The following ACAD9 variants were observed in gnomAD, a reference collection of about 807,000 sequenced individuals.
The protein encoded by ACAD9 is acyl-CoA dehydrogenase family member 9.
Under a neutral mutation model 70.2 loss-of-function variants are expected in ACAD9, and 53 were observed. That is an observed-to-expected ratio of 0.75 (90% confidence interval 0.61 to 0.95). ACAD9 has a LOEUF of 0.95. Among genes scored for constraint, ACAD9 ranks in the 40% least tolerant of loss-of-function variants. ACAD9 has a pLI of 0.00. For missense variants in ACAD9, 777 were observed against 802.8 expected, an observed-to-expected ratio of 0.97 and a Z score of 0.39; for synonymous variants, 313 against 312.1, an observed-to-expected ratio of 1.00 and a Z score of -0.03.
chr3:128,909,636 G>C lies in ACAD9; in HGVS notation c.1563+215G>C. 3 of 568,666 alleles carry C rather than the reference G, an allele frequency of 5.3e-6. No individual in the cohort carries two copies. In the South Asian group the frequency reaches 5.8e-5, roughly 11 times the overall value. 35.2% of individuals were successfully genotyped at this position (568,666 alleles called of 1,614,324 possible). On this transcript the variant is annotated intron_variant, in intron 15 of 17. Transcript: ENST00000308982. ...ACCCTTGCTGGGTGAGTTTTCTGCA[G>C]TGTTTTTCTGTGCACCTTTCAGGTA...
rs1048137024 is a variant in ACAD9, at chr3:128,912,786, G to C, written c.*179G>C. ...GCCTCTTCCAGGTTTTGACCTGCAGGCAGTGCTCTCTAACAGGACCATCAC... is the reference window on the plus strand; with the variant it reads ...GCCTCTTCCAGGTTTTGACCTGCAGCCAGTGCTCTCTAACAGGACCATCAC... On this transcript the variant is annotated 3_prime_UTR_variant, in exon 18 of 18. Coordinates refer to ENST00000308982, the MANE Select transcript of ACAD9 (RefSeq NM_014049.5). 1.3e-6 allele frequency: 1 copy of C among 742,320 alleles called. No individual in the cohort carries two copies. Among genetic ancestry groups the C allele is most frequent in the Middle Eastern group, 2.3e-4 (1 of 4,326 alleles). 46.0% of individuals were successfully genotyped at this position (742,320 alleles called of 1,614,324 possible).
chr3:128,908,753 G>A, intron 13 of ACAD9: 1 of 645,222 alleles, frequency 1.5e-6, no homozygotes. Flanking sequence ...AGCTGGCTGT[G>A]ACTCCACCCC....
chr3:128,888,503 C>T (rs1197480425), intron 2 of ACAD9, among the ~76,000 whole-genome samples: 5 of 152,140 alleles, frequency 3.3e-5, no homozygotes, highest in East Asian at 1.9e-4. Context: ...CACTGGAACC[C>T]GGGAGGTGGA....
At chr3:128,881,985 T>G (rs1224068017) in intron 1 of ACAD9, among the ~76,000 whole-genome samples, 1 of 152,190 alleles carries the variant, frequency 6.6e-6, no homozygotes. Flanking sequence ...AGTTTCTTTC[T>G]TCAGTTCAGA....
chr3:128,884,852 A>G (rs1935202044), intron 2 of ACAD9, 106 bp downstream of exon 2: 2 of 923,148 alleles, frequency 2.2e-6, no homozygotes, highest in South Asian at 2.7e-5. Context: ...TGAGGGAGAA[A>G]TGGTTTCCAC....
chr3:128,884,631 A>G (rs1935193209), intron 1 of ACAD9, 22 bp from the exon 2 acceptor site: 9 of 1,558,216 alleles, frequency 5.8e-6, no homozygotes, highest in Non-Finnish European at 7.9e-6. Flanking sequence ...TAAATTTTTT[A>G]GAAAATATTT....
In ACAD9 at chr3:128,910,080, T is replaced by A; in HGVS notation, c.1623T>A (p.Tyr541Ter). 1 of 1,614,068 alleles carries A rather than the reference T, an allele frequency of 6.2e-7. No individual in the cohort carries two copies. The change falls in exon 16 of 18, where the codon TAT becomes TAA. Residue 541 changes from tyrosine (Y) to a stop codon, truncating the protein, a stop_gained. Coordinates refer to ENST00000308982, the MANE Select transcript of ACAD9 (RefSeq NM_014049.5). LOFTEE classifies it high-confidence loss of function. ...TGGCCAACATCCTCATCAACCTGTA[T>A]GGCATGACGGCCGTGCTGTCGCGGG... ...KRVANILINL[Y>*]GMTAVLSRAS...
chr3:128,903,860 G>A (rs1213582577), intron 9 of ACAD9, among the ~76,000 whole-genome samples: 1 of 152,226 alleles, frequency 6.6e-6, no homozygotes, highest in African/African-American at 2.4e-5. Context: ...AACTCTGTGT[G>A]TGGGTGCCAT....
chr3:128,908,963 C>CT lies in ACAD9; in HGVS notation c.1359-7dup, dbSNP rs1290512895. ...AGGCCTCCAGTCACAGGACCATGGACTTTCTGCAGTGAGCTTAAACAGGCC... is the reference window on the plus strand; with the variant it reads ...AGGCCTCCAGTCACAGGACCATGGACTTTTCTGCAGTGAGCTTAAACAGGCC... On this transcript the variant is annotated splice_polypyrimidine_tract_variant and intron_variant, in intron 13 of 17. Coordinates refer to ENST00000308982, the MANE Select transcript of ACAD9 (RefSeq NM_014049.5). 6.2e-7 allele frequency: 1 copy of CT among 1,614,094 alleles called. No homozygotes were observed. The highest frequency in any genetic ancestry group is 2.2e-5 in the East Asian group (1 of 44,884).
At chr3:128,882,003 C>G (rs539025004) in intron 1 of ACAD9, among the ~76,000 whole-genome samples, 1 of 152,270 alleles carries the variant, frequency 6.6e-6, no homozygotes, top group East Asian at 1.9e-4. Context: ...AGATTTCTCC[C>G]TGAACTCCAG....
chr3:128,892,886 A>G (rs755788316), intron 2 of ACAD9, among the ~76,000 whole-genome samples: 4 of 152,182 alleles, frequency 2.6e-5, no homozygotes, highest in African/African-American at 4.8e-5. Flanking sequence ...CAAAAAAAGT[A>G]TGAGGTCTAT....
chr3:128,912,834 G>A lies in ACAD9; in HGVS notation c.*227G>A. Reference sequence around the variant, plus strand: ...CACAGCTTCTGAACTGAGCCGGAGAGAGAGAATGGAATTGCTGACCCCTGG... The same window carrying A: ...CACAGCTTCTGAACTGAGCCGGAGAAAGAGAATGGAATTGCTGACCCCTGG... On this transcript the variant is annotated 3_prime_UTR_variant, in exon 18 of 18. Coordinates refer to ENST00000308982, the MANE Select transcript of ACAD9 (RefSeq NM_014049.5). 1 of 690,990 alleles carries A rather than the reference G, an allele frequency of 1.4e-6. No homozygotes were observed. Among genetic ancestry groups the A allele is most frequent in the African/African-American group, 1.7e-5 (1 of 57,418 alleles). The allele number at this position is 690,990 out of a possible 1,614,324, so 42.8% of individuals were successfully genotyped here. A position where few individuals can be genotyped will look rare whatever the true frequency, so the allele number is the denominator to read the frequency against.
At chr3:128,881,939 C>A (rs1480510954) in intron 1 of ACAD9, among the ~76,000 whole-genome samples, 1 of 152,150 alleles carries the variant, frequency 6.6e-6, no homozygotes, top group Admixed American at 6.5e-5. Context: ...TATTTAGTGT[C>A]CTGGCTTTAA....
At chr3:128,898,132 C>T (rs1431929793) in intron 6 of ACAD9, among the ~76,000 whole-genome samples, 1 of 152,142 alleles carries the variant, frequency 6.6e-6, no homozygotes, top group Non-Finnish European at 1.5e-5. Context: ...GCTGAGTTTA[C>T]AGGCAATGAG....
At chr3:128,899,236 T>G (rs1576340541) in intron 6 of ACAD9, 51 bp from the exon 7 acceptor site, 2 of 1,589,924 alleles carry the variant, frequency 1.3e-6, no homozygotes, top group Non-Finnish European at 1.7e-6. Context: ...AGAGCTGAGG[T>G]GGGTCACATA....
intron 1 of ACAD9, chr3:128,880,124 G>A (rs568972306): frequency 2.1e-4 from 228 of 1,066,200 alleles, no homozygotes; most frequent in Admixed American, 2.5e-4. Flanking sequence ...AATTAACAAA[G>A]CAGCCTTCAT....
rs371474112 is a variant in ACAD9, at chr3:128,905,511, G to C, written c.1150-610G>C. Among the ~76,000 whole-genome samples the C allele has an allele frequency of 7.0e-4, 106 of 152,312 alleles. 1 individual carries two copies. In the South Asian group the frequency reaches 0.022, roughly 31 times the overall value. On this transcript the variant is annotated intron_variant, in intron 11 of 17. Transcript: ENST00000308982. ...CAAACATCCTGGTGTCGGCAGGAGA[G>C]TCTACCTAAAAGGTTGGGATCCTGA...
At chr3:128,906,343 C>T (rs1284121265) in intron 12 of ACAD9, 94 bp downstream of exon 12, 2 of 1,580,142 alleles carry the variant, frequency 1.3e-6, no homozygotes, top group South Asian at 1.1e-5. Flanking sequence ...CCCCCGCAGC[C>T]CAGGGCTGGG....
Position 128,893,630 on chromosome 3 carries a change from T to G in ACAD9, c.320T>G (p.Phe107Cys), listed in dbSNP as rs1271492991. ...TLEKLKSLGL[F>C]GLQVPEEYGG... is the part of the protein sequence containing the mutation. Reference sequence around the variant, plus strand: ...GAGAAATTGAAGAGCCTAGGGCTTTTTGGGCTGCAAGTCCCAGAAGAATAT... The same window carrying G: ...GAGAAATTGAAGAGCCTAGGGCTTTGTGGGCTGCAAGTCCCAGAAGAATAT... The change falls in exon 3 of 18, where the codon TTT (phenylalanine) becomes TGT (cysteine). Residue 107 changes from phenylalanine to cysteine, a missense_variant. Phe to Cys is a radical substitution (Grantham distance 205). Transcript: ENST00000308982. 17 of 1,614,050 alleles carry G rather than the reference T, an allele frequency of 1.1e-5. No homozygotes were observed. The Admixed American group carries it at 2.8e-4, about 27-fold the overall frequency.
Sources: allele counts gnomAD v4.1 joint callset (sites outside exome capture counted in the v4.1 genomes callset), GRCh38; gene constraint gnomAD v4.1.1; transcripts MANE v1.5; gene names NCBI Gene and HGNC (gene_info 2026-07-23, HGNC 2026-07-21).